The following AMPH variants were observed in gnomAD, a reference collection of about 807,000 sequenced individuals.
The protein encoded by AMPH is amphiphysin (Stiff-Mann syndrome with breast cancer 128kD autoantigen).
In AMPH, 49 loss-of-function variants were observed where a neutral mutation model predicts 99.1. The ratio of observed to expected loss-of-function variants is 0.49; its 90% CI spans 0.39 to 0.63. AMPH has a LOEUF of 0.63. AMPH is among the 20% of genes least tolerant of loss of function. The pLI is 0.00. For synonymous variants in AMPH, 314 were observed against 317.3 expected, an observed-to-expected ratio of 0.99 and a Z score of 0.11; for missense variants, 759 against 863.4, an observed-to-expected ratio of 0.88 and a Z score of 1.52.
At chr7:38,512,683 C>A (rs909599465) in intron 2 of AMPH, among the ~76,000 whole-genome samples, 4 of 152,144 alleles carry the variant, frequency 2.6e-5, no homozygotes, top group African/African-American at 9.7e-5. Context: ...TGGGGACAGG[C>A]TTCATAGGAA....
rs1791782106 is a variant in AMPH at position 38,567,357 on chromosome 7, G to A, written c.70-32346C>T. ...TGAACAATGAGAACACATGGACACAGGGCGGGAACATCACACAGCAGGGCC... is the reference window on the plus strand; with the variant it reads ...TGAACAATGAGAACACATGGACACAAGGCGGGAACATCACACAGCAGGGCC... On this transcript the variant is annotated intron_variant, in intron 1 of 20. Transcript: ENST00000356264. 2.0e-5 allele frequency among the ~76,000 whole-genome samples: 3 copies of A among 152,124 alleles called. No homozygotes were observed. The South Asian group carries it at 6.2e-4, about 32-fold the overall frequency.
At chr7:38,512,228 A>T (rs1789567831) in intron 2 of AMPH, among the ~76,000 whole-genome samples, 1 of 152,212 alleles carries the variant, frequency 6.6e-6, no homozygotes, top group Non-Finnish European at 1.5e-5. Context: ...CAATGGCAAA[A>T]TCCATGTTGG....
Position 38,521,607 on chromosome 7 carries a change from G to C in AMPH, c.150+13324C>G, listed in dbSNP as rs541888209. Among the ~76,000 whole-genome samples the C allele has an allele frequency of 2.0e-5, 3 of 152,198 alleles. No homozygotes were observed. In the East Asian group the frequency reaches 5.8e-4, roughly 29 times the overall value. On this transcript the variant is annotated intron_variant, in intron 2 of 20. Coordinates refer to ENST00000356264, the MANE Select transcript of AMPH (RefSeq NM_001635.4). ...GTAGAGAGATTTTTGGAAAAGTGCA[G>C]ATTGAGTAGAACATACCCCTCCATG...
At chr7:38,617,508 C>G (rs1793918110) in intron 1 of AMPH, among the ~76,000 whole-genome samples, 1 of 152,234 alleles carries the variant, frequency 6.6e-6, no homozygotes, top group Non-Finnish European at 1.5e-5. Context: ...TTGAAACTAT[C>G]ACAATACTTG....
rs1366899987 is a variant in AMPH, at chr7:38,389,805, T to G, written c.1979A>C (p.Gln660Pro). The part of the protein sequence containing the change: ...LVVPSDSEAD[Q>P]DAGWLVGVKE... Reference sequence around the variant, plus strand: ...GCATCTTCCTATCTTTTCTTTTACCTGATCAGCTTCTGAATCTGAGGGGAC... The same window carrying G: ...GCATCTTCCTATCTTTTCTTTTACCGGATCAGCTTCTGAATCTGAGGGGAC... Residue 660 changes from glutamine (Q) to proline (P), a missense_variant and splice_region_variant, in exon 20 of 21, where the codon CAG becomes CCG. By Grantham distance (76) the Gln-to-Pro change is moderately conservative. This residue lies in a region of AMPH where 554 missense variants were observed against 575.6 expected (regional missense o/e 0.96). Coordinates refer to ENST00000356264, the MANE Select transcript of AMPH (RefSeq NM_001635.4). 1.9e-6 allele frequency: 3 copies of G among 1,612,356 alleles called. No homozygotes were observed. Among genetic ancestry groups the G allele is most frequent in the Non-Finnish European group, 2.5e-6 (3 of 1,178,690 alleles).
At chr7:38,548,264 C>T (rs961318070) in intron 1 of AMPH, among the ~76,000 whole-genome samples, 1 of 152,098 alleles carries the variant, frequency 6.6e-6, no homozygotes, top group Non-Finnish European at 1.5e-5. Context: ...CTCCTGACCT[C>T]GTGATCTGCC....
intron 17 of AMPH, among the ~76,000 whole-genome samples, chr7:38,407,098 G>A (rs866930669): frequency 0.012 from 1,191 of 98,174 alleles, 10 homozygotes; most frequent in Non-Finnish European, 0.02. Flanking sequence ...GTGTGTGTGT[G>A]TGTGTGTGTG....
At chr7:38,577,911 T>A (rs6948609) in intron 1 of AMPH, among the ~76,000 whole-genome samples, 1 of 152,144 alleles carries the variant, frequency 6.6e-6, no homozygotes, top group South Asian at 2.1e-4. Flanking sequence ...GTGAAGCCTC[T>A]TGGAAGTCAT....
chr7:38,609,349 C>T (rs1793543923), intron 1 of AMPH, among the ~76,000 whole-genome samples: 1 of 152,162 alleles, frequency 6.6e-6, no homozygotes, highest in South Asian at 2.1e-4. Flanking sequence ...CCCTCGAAGT[C>T]ACCCTGAAAG....
At chr7:38,441,304 A>G (rs1786495270) in intron 11 of AMPH, among the ~76,000 whole-genome samples, 1 of 152,154 alleles carries the variant, frequency 6.6e-6, no homozygotes, top group African/African-American at 2.4e-5. Flanking sequence ...TCCTCATTCA[A>G]TAATTGAAAG....
intron 3 of AMPH, among the ~76,000 whole-genome samples, chr7:38,496,987 A>C (rs1418851060): frequency 6.6e-6 from 1 of 152,248 alleles, no homozygotes; most frequent in East Asian, 1.9e-4. Flanking sequence ...CAAGACTAAA[A>C]GCATGATGTT....
chr7:38,535,491 T>C (rs1364209703), intron 1 of AMPH, among the ~76,000 whole-genome samples: 4 of 152,194 alleles, frequency 2.6e-5, no homozygotes, highest in Non-Finnish European at 5.9e-5. Context: ...AGACAATTTT[T>C]CCACTGACCA....
At chr7:38,519,184 G>T (rs187812959) in intron 2 of AMPH, among the ~76,000 whole-genome samples, 1,683 of 152,326 alleles carry the variant, frequency 0.011, 24 homozygotes, top group South Asian at 0.041. Flanking sequence ...CTCCAGAACT[G>T]TGAGAAATGA....
chr7:38,565,496 G>A (rs1399993015), intron 1 of AMPH, among the ~76,000 whole-genome samples: 3 of 152,088 alleles, frequency 2.0e-5, no homozygotes, highest in South Asian at 2.1e-4. Flanking sequence ...TTCTGTGCAC[G>A]TGCTCTTTCA....
intron 11 of AMPH, among the ~76,000 whole-genome samples, chr7:38,449,423 T>C (rs1584106919): frequency 6.6e-6 from 1 of 152,234 alleles, no homozygotes; most frequent in Non-Finnish European, 1.5e-5. Flanking sequence ...ACAGGATTGA[T>C]GTCAAGGTTA....
intron 1 of AMPH, among the ~76,000 whole-genome samples, chr7:38,555,248 TTA>T (rs1491564804): frequency 2.2e-4 from 20 of 90,762 alleles, no homozygotes; most frequent in African/African-American, 9.9e-4. Flanking sequence ...CTAACACAAT[TTA>T]AAAAAAAAAA....
At chr7:38,414,912 C>T (rs1785323417) in intron 17 of AMPH, among the ~76,000 whole-genome samples, 1 of 152,198 alleles carries the variant, frequency 6.6e-6, no homozygotes, top group South Asian at 2.1e-4. Context: ...GATTTGCCTG[C>T]CTTGCCCTCC....
intron 1 of AMPH, among the ~76,000 whole-genome samples, chr7:38,557,669 C>T (rs1791414745): frequency 6.6e-6 from 1 of 152,198 alleles, no homozygotes; most frequent in Admixed American, 6.5e-5. Context: ...CAGACTAACA[C>T]ACCAGGCCCT....
At chr7:38,516,324 C>T (rs1171605151) in intron 2 of AMPH, among the ~76,000 whole-genome samples, 1 of 152,188 alleles carries the variant, frequency 6.6e-6, no homozygotes, top group Admixed American at 6.5e-5. Context: ...CCTGAGCAGC[C>T]TCGGGACACT....
Sources: allele counts gnomAD v4.1 joint callset (sites outside exome capture counted in the v4.1 genomes callset), GRCh38; gene constraint gnomAD v4.1.1; regional missense constraint gnomAD v4.1.1; transcripts MANE v1.5; gene names NCBI Gene and HGNC (gene_info 2026-07-23, HGNC 2026-07-21).